Variants in MTUS2 observed in about 807,000 individuals in gnomAD.
The protein encoded by MTUS2 is microtubule-associated tumor suppressor candidate 2.
MTUS2 carries 40 observed loss-of-function variants against 114.1 expected under a neutral mutation model. The ratio of observed to expected loss-of-function variants is 0.35; its 90% confidence interval spans 0.27 to 0.46. The LOEUF (loss-of-function observed/expected upper bound fraction) is 0.46. Ranked by LOEUF, MTUS2 falls within the 20% of genes least tolerant of loss-of-function variation. The pLI is 1.00. For missense variants in MTUS2, 1,679 were observed against 1,705.4 expected, an observed-to-expected ratio of 0.98 and a Z score of 0.27; for synonymous variants, 688 against 672.0, an observed-to-expected ratio of 1.02 and a Z score of -0.37.
intron 1 of MTUS2, among the ~76,000 whole-genome samples, chr13:28,833,315 A>G (rs1302204951): frequency 1.3e-5 from 2 of 152,136 alleles, no homozygotes; most frequent in African/African-American, 4.8e-5. Context: ...TCTGCAAGAA[A>G]ATACTACCAA....
In MTUS2 at chr13:29,439,603, C is replaced by G. The variant is rs543587921; in HGVS notation, c.3118-380C>G. Among the ~76,000 whole-genome samples the G allele has an allele frequency of 1.4e-4, 22 of 152,186 alleles. No individual in the cohort carries two copies. The South Asian group carries it at 4.6e-3, about 32-fold the overall frequency. On this transcript the variant is annotated intron_variant, in intron 8 of 15. Coordinates refer to ENST00000612955, the MANE Select transcript of MTUS2 (RefSeq NM_001033602.4). ...ATTTGGCCCTCAGAGAAATATGGCACAGACTTTTTTAATGGTCGGAAATCT... is the reference window on the plus strand; with the variant it reads ...ATTTGGCCCTCAGAGAAATATGGCAGAGACTTTTTTAATGGTCGGAAATCT...
intron 5 of MTUS2, among the ~76,000 whole-genome samples, chr13:29,235,838 T>G (rs1262684923): frequency 6.6e-6 from 1 of 152,218 alleles, no homozygotes; most frequent in Non-Finnish European, 1.5e-5. Flanking sequence ...CATTTTGGCC[T>G]GGAGCTTATT....
At chr13:29,170,636 G>A (rs1893517252) in intron 5 of MTUS2, among the ~76,000 whole-genome samples, 1 of 152,150 alleles carries the variant, frequency 6.6e-6, no homozygotes, top group Admixed American at 6.5e-5. Context: ...TTTCCTTGCT[G>A]CCCTCCACCC....
chr13:29,383,136 T>G (rs568622306), intron 8 of MTUS2, among the ~76,000 whole-genome samples: 3 of 151,664 alleles, frequency 2.0e-5, no homozygotes, highest in South Asian at 2.1e-4. Flanking sequence ...TTTGGCTGTT[T>G]CCTTGGCTTC....
intron 5 of MTUS2, among the ~76,000 whole-genome samples, chr13:29,215,188 C>G (rs958288276): frequency 6.6e-6 from 1 of 151,778 alleles, no homozygotes; most frequent in Admixed American, 6.6e-5. Flanking sequence ...ACGAAGTTCT[C>G]TTGCTGTGTT....
At chr13:29,394,664 G>A (rs1873764500) in intron 8 of MTUS2, among the ~76,000 whole-genome samples, 1 of 152,216 alleles carries the variant, frequency 6.6e-6, no homozygotes. Flanking sequence ...CCCTGGCCAC[G>A]AACTGGTACC....
intron 2 of MTUS2, among the ~76,000 whole-genome samples, chr13:29,009,546 C>T (rs1885747798): frequency 6.6e-6 from 1 of 152,078 alleles, no homozygotes; most frequent in South Asian, 2.1e-4. Context: ...GAGAATAGGT[C>T]ATATTTGCTA....
chr13:29,238,184 A>G (rs1379285999), intron 5 of MTUS2, among the ~76,000 whole-genome samples: 1 of 152,232 alleles, frequency 6.6e-6, no homozygotes, highest in African/African-American at 2.4e-5. Context: ...CAGATACGTG[A>G]ATTAAAAAAT....
intron 2 of MTUS2, among the ~76,000 whole-genome samples, chr13:28,984,075 G>A (rs958868884): frequency 2.0e-5 from 3 of 152,074 alleles, no homozygotes; most frequent in East Asian, 1.9e-4. Flanking sequence ...CCTTCTCCTC[G>A]CTCCCTGGGG....
chr13:28,926,443 C>CT (rs1881331972), intron 2 of MTUS2, among the ~76,000 whole-genome samples: 1 of 151,752 alleles, frequency 6.6e-6, no homozygotes, highest in South Asian at 2.1e-4. Context: ...ACAGCTGTGT[C>CT]TAAGAGCCTG....
chr13:29,405,462 G>A (rs1218530732), intron 8 of MTUS2, among the ~76,000 whole-genome samples: 1 of 152,048 alleles, frequency 6.6e-6, no homozygotes, highest in Non-Finnish European at 1.5e-5. Flanking sequence ...TATTGTAACG[G>A]AAATCCAAAT....
chr13:29,120,447 T>C (rs1891261724), intron 5 of MTUS2, among the ~76,000 whole-genome samples: 1 of 152,070 alleles, frequency 6.6e-6, no homozygotes, highest in African/African-American at 2.4e-5. Context: ...TTTATACTTG[T>C]ATATTAAAAT....
intron 7 of MTUS2, among the ~76,000 whole-genome samples, chr13:29,325,466 A>AG (rs1900445815): frequency 7.9e-6 from 1 of 126,408 alleles, no homozygotes; most frequent in Admixed American, 8.8e-5. Context: ...AAAAAAAAAA[A>AG]AAAAGAAAAG....
intron 2 of MTUS2, among the ~76,000 whole-genome samples, chr13:29,000,278 T>G (rs770121918): frequency 5.3e-5 from 8 of 152,200 alleles, no homozygotes; most frequent in Non-Finnish European, 1.2e-4. Context: ...GACTTTTGTT[T>G]ATCTGGGAAT....
chr13:29,500,495 G>A (rs1023213246), intron 14 of MTUS2, among the ~76,000 whole-genome samples: 1 of 152,222 alleles, frequency 6.6e-6, no homozygotes, highest in Non-Finnish European at 1.5e-5. Context: ...ACAGCCATGG[G>A]ATGATGGGAT....
chr13:28,885,845 A>G lies in MTUS2; in HGVS notation c.-243+45995A>G, dbSNP rs149084420. ...CAGATCAAAATCAAGGAAAACAAGTAAAATATATGTTAAGATAGTGATAAG... is the reference window on the plus strand; with the variant it reads ...CAGATCAAAATCAAGGAAAACAAGTGAAATATATGTTAAGATAGTGATAAG... On this transcript the variant is annotated intron_variant, in intron 2 of 15. Coordinates refer to ENST00000612955, the MANE Select transcript of MTUS2 (RefSeq NM_001033602.4). Among the ~76,000 whole-genome samples the G allele has an allele frequency of 5.0e-3, 764 of 152,344 alleles. 8 individuals carry two copies. The highest frequency in any genetic ancestry group is 6.8e-3 in the Middle Eastern group (2 of 294).
At chr13:29,038,953 T>C (rs1174091814) in intron 4 of MTUS2, among the ~76,000 whole-genome samples, 3 of 152,194 alleles carry the variant, frequency 2.0e-5, no homozygotes, top group South Asian at 2.1e-4. Flanking sequence ...CACCACTTCA[T>C]GTAGGCCAGG....
chr13:28,901,528 A>AT (rs1343006562), intron 2 of MTUS2, among the ~76,000 whole-genome samples: 1 of 152,064 alleles, frequency 6.6e-6, no homozygotes, highest in Non-Finnish European at 1.5e-5. Context: ...TTTTGAGTTA[A>AT]TTTTTGCAAT....
intron 2 of MTUS2, among the ~76,000 whole-genome samples, chr13:28,892,614 C>T (rs971748554): frequency 6.6e-6 from 1 of 152,034 alleles, no homozygotes; most frequent in African/African-American, 2.4e-5. Context: ...TTTGAATCAC[C>T]TGGTGGGGTT....
Sources: gnomAD v4.1 joint callset for allele counts (sites outside exome capture counted in the v4.1 genomes callset) on GRCh38, gnomAD v4.1.1 for gene constraint, MANE v1.5 for transcripts, NCBI Gene and HGNC (gene_info 2026-07-23, HGNC 2026-07-21) for gene names.